CCND1: variants seen among roughly 807,000 people sequenced by gnomAD.
The protein encoded by CCND1 is G1/S-specific cyclin-D1.
Under a neutral mutation model 26.1 loss-of-function variants are expected in CCND1, and 9 were observed. That is an observed-to-expected ratio of 0.35 (90% CI 0.21 to 0.60). The LOEUF (loss-of-function observed/expected upper bound fraction) is 0.60. Among genes scored for constraint, CCND1 ranks in the 20% least tolerant of loss-of-function variants. CCND1 has a pLI of 0.79. For synonymous variants in CCND1, 194 were observed against 166.1 expected (o/e 1.17, Z -1.29); for missense variants, 335 against 392.9 (o/e 0.85, Z 1.25).
rs998406664 is a variant in CCND1 at position 69,651,325 on chromosome 11, C to G, written c.*43C>G. 1 of 1,412,248 alleles carries G rather than the reference C, an allele frequency of 7.1e-7. No homozygotes were observed. Among genetic ancestry groups the G allele is most frequent in the Non-Finnish European group, 9.3e-7 (1 of 1,078,372 alleles). 87.5% of individuals were successfully genotyped at this position (1,412,248 alleles called of 1,614,324 possible). A position where few individuals can be genotyped will look rare whatever the true frequency, so the allele number is the denominator to read the frequency against. On this transcript the variant is annotated 3_prime_UTR_variant, in exon 5 of 5. Transcript: ENST00000227507. ...GCGCCACCGCCACCCGCAGCGAGGGCGGAGCCGGCCCCAGGTGCTCCCCTG... is the reference window on the plus strand; with the variant it reads ...GCGCCACCGCCACCCGCAGCGAGGGGGGAGCCGGCCCCAGGTGCTCCCCTG...
chr11:69,645,768 C>T (rs1332799324), intron 3 of CCND1, among the ~76,000 whole-genome samples: 4 of 152,142 alleles, frequency 2.6e-5, no homozygotes, highest in South Asian at 2.1e-4. Flanking sequence ...TTGCCCTCCA[C>T]GTGGCAAAGG....
In CCND1 at chr11:69,653,160, GGAGGAGGTGT is replaced by G; in HGVS notation, c.*1886_*1895del. On this transcript the variant is annotated 3_prime_UTR_variant, in exon 5 of 5. Transcript: ENST00000227507. Reference sequence around the variant, plus strand: ...GCTGACGTGTGAGGGAGGACAGGCGGGAGGAGGTGTGAGGAGGAGGCTCCCGAGGGGAAGG... The same window carrying G: ...GCTGACGTGTGAGGGAGGACAGGCGGGAGGAGGAGGCTCCCGAGGGGAAGG... The G allele has an allele frequency of 1.6e-6, 1 of 623,160 alleles. No individual in the cohort carries two copies. The allele number at this position is 623,160 out of a possible 1,614,324, so 38.6% of individuals were successfully genotyped here. A position where few individuals can be genotyped will look rare whatever the true frequency, so the allele number is the denominator to read the frequency against.
At position 69,649,435 on chromosome 11, in the gene CCND1, AC is replaced by A. The variant is rs1468739800; in HGVS notation, c.723+1296del. 2.0e-5 allele frequency among the ~76,000 whole-genome samples: 3 copies of A among 152,128 alleles called. No individual in the cohort carries two copies. The East Asian group carries it at 5.8e-4, about 29-fold the overall frequency. On this transcript the variant is annotated intron_variant, in intron 4 of 4. Coordinates refer to ENST00000227507, the MANE Select transcript of CCND1 (RefSeq NM_053056.3). ...GCTGACAGACACACGGGGTGAAGTT[AC>A]CCGAGGCGGAGTCCACTCTGCCTGA...
chr11:69,646,197 G>A (rs761081677), intron 3 of CCND1, among the ~76,000 whole-genome samples: 15 of 152,180 alleles, frequency 9.9e-5, no homozygotes, highest in Admixed American at 2.6e-4. Context: ...TTCTGTGTGC[G>A]GTTCTGATTT....
At position 69,641,250 on chromosome 11, in the gene CCND1, G is replaced by A. The variant is rs1191242205; in HGVS notation, c.-64G>A. 6 of 1,489,134 alleles carry A rather than the reference G, an allele frequency of 4.0e-6. No homozygotes were observed. Among genetic ancestry groups the A allele is most frequent in the Non-Finnish European group, 3.7e-6 (4 of 1,080,086 alleles). 92.2% of individuals were successfully genotyped at this position (1,489,134 alleles called of 1,614,324 possible). ...AGGGAGCGCGGGGCAGCAGAAGCGA[G>A]AGCCGAGCGCGGACCCAGCCAGGAC... On this transcript the variant is annotated 5_prime_UTR_variant, in exon 1 of 5. Coordinates refer to ENST00000227507, the MANE Select transcript of CCND1 (RefSeq NM_053056.3).
At chr11:69,641,891 G>T (rs1855707871) in intron 1 of CCND1, among the ~76,000 whole-genome samples, 2 of 152,128 alleles carry the variant, frequency 1.3e-5, no homozygotes, top group South Asian at 4.1e-4. Context: ...ACTCCGGGGG[G>T]AGGGGGCATA....
chr11:69,653,189 G>A lies in CCND1; in HGVS notation c.*1907G>A. ...GAGGTGTGAGGAGGAGGCTCCCGAG[G>A]GGAAGGGGCGGTGCCCACACCGGGG... On this transcript the variant is annotated 3_prime_UTR_variant, in exon 5 of 5. Transcript: ENST00000227507. The A allele has an allele frequency of 1.5e-6, 1 of 668,526 alleles. No individual in the cohort carries two copies. The highest frequency in any genetic ancestry group is 2.8e-5 in the East Asian group (1 of 36,084). 41.4% of individuals were successfully genotyped at this position (668,526 alleles called of 1,614,324 possible). A position where few individuals can be genotyped will look rare whatever the true frequency, so the allele number is the denominator to read the frequency against.
At chr11:69,648,176 G>C (rs537247673) in intron 4 of CCND1, 34 bp downstream of exon 4, 1 of 1,610,604 alleles carries the variant, frequency 6.2e-7, no homozygotes, top group East Asian at 2.2e-5. Context: ...CAGCCTTGCC[G>C]GGGCTTACAG....
chr11:69,649,411 C>G (rs1405354378), intron 4 of CCND1, among the ~76,000 whole-genome samples: 2 of 152,174 alleles, frequency 1.3e-5, no homozygotes, highest in Non-Finnish European at 2.9e-5. Flanking sequence ...CGTCTCACAG[C>G]TGACAGACAC....
In CCND1 at chr11:69,652,989, C is replaced by G. The variant is rs568668101; in HGVS notation, c.*1707C>G. The G allele has an allele frequency of 7.5e-6, 3 of 399,148 alleles. No individual in the cohort carries two copies. The highest frequency in any genetic ancestry group is 1.3e-5 in the Non-Finnish European group (3 of 224,792). 24.7% of individuals were successfully genotyped at this position (399,148 alleles called of 1,614,324 possible). A position where few individuals can be genotyped will look rare whatever the true frequency, so the allele number is the denominator to read the frequency against. ...GTGCAAGGAAAATTAGGGTACTCAA[C>G]CTAAGTTCGGTTCCGATGAATTCTT... On this transcript the variant is annotated 3_prime_UTR_variant, in exon 5 of 5. Transcript: ENST00000227507.
intron 4 of CCND1, among the ~76,000 whole-genome samples, chr11:69,648,965 C>T (rs1161395415): frequency 2.0e-5 from 3 of 152,200 alleles, no homozygotes; most frequent in Non-Finnish European, 4.4e-5. Context: ...CCCGGGGACA[C>T]TGGGAGTAGC....
Position 69,654,208 on chromosome 11 carries a change from G to C in CCND1, c.*2926G>C, listed in dbSNP as rs1855897419. On this transcript the variant is annotated 3_prime_UTR_variant, in exon 5 of 5. Transcript: ENST00000227507. The surrounding 1 kb of genome is among the most constrained non-coding windows in gnomAD (Gnocchi z 6.3). ...GTCTGAACCACGCGGGGGCCTTGAG[G>C]GACGCTTTGTCTGTCGTGATGGGGC... The C allele has an allele frequency of 2.8e-6, 2 of 702,374 alleles. No homozygotes were observed. Among genetic ancestry groups the C allele is most frequent in the African/African-American group, 3.5e-5 (2 of 57,238 alleles). The allele number at this position is 702,374 out of a possible 1,614,324, so 43.5% of individuals were successfully genotyped here.
At position 69,653,204 on chromosome 11, in the gene CCND1, C is replaced by G; in HGVS notation, c.*1922C>G. ...GGCTCCCGAGGGGAAGGGGCGGTGC[C>G]CACACCGGGGACAGGCCGCAGCTCC... is the stretch of plus-strand genomic sequence containing the variant. On this transcript the variant is annotated 3_prime_UTR_variant, in exon 5 of 5. Coordinates refer to ENST00000227507, the MANE Select transcript of CCND1 (RefSeq NM_053056.3). The G allele has an allele frequency of 7.3e-6, 5 of 689,000 alleles. No homozygotes were observed. The highest frequency in any genetic ancestry group is 1.3e-5 in the Non-Finnish European group (5 of 378,636). 42.7% of individuals were successfully genotyped at this position (689,000 alleles called of 1,614,324 possible).
At chr11:69,644,260 G>A (rs1246027451) in intron 3 of CCND1, 1 of 502,900 alleles carries the variant, frequency 2.0e-6, no homozygotes, top group African/African-American at 1.9e-5. Context: ...CCGTTACTCT[G>A]GCCTCGTCCT....
intron 1 of CCND1, 85 bp from the exon 2 acceptor site, chr11:69,642,946 C>A: frequency 9.4e-7 from 1 of 1,061,262 alleles, no homozygotes; most frequent in Non-Finnish European, 1.3e-6. Flanking sequence ...CCTGGCGGCC[C>A]TGCCAAGCGC....
chr11:69,643,255 T>C lies in CCND1; in HGVS notation c.414+9T>C. 6.4e-7 allele frequency: 1 copy of C among 1,551,346 alleles called. No homozygotes were observed. Among genetic ancestry groups the C allele is most frequent in the Non-Finnish European group, 8.7e-7 (1 of 1,148,808 alleles). On this transcript the variant is annotated intron_variant, in intron 2 of 4. Transcript: ENST00000227507. ...GGCCCGAGGAGCTGCTGGTAACCAC[T>C]GGACCCCGCCGCCCCCCGCCCCCCG...
At chr11:69,647,670 G>A (rs1028540684) in intron 3 of CCND1, among the ~76,000 whole-genome samples, 1 of 152,238 alleles carries the variant, frequency 6.6e-6, no homozygotes, top group African/African-American at 2.4e-5. Context: ...CATTCACAAG[G>A]CTCAAGATGC....
At position 69,653,485 on chromosome 11, in the gene CCND1, C is replaced by G; in HGVS notation, c.*2203C>G. On this transcript the variant is annotated 3_prime_UTR_variant, in exon 5 of 5. Transcript: ENST00000227507. ...TTACTGCTCTATTCCAAAAAGGTTG[C>G]TGTTTCACAATACCTCATGCTTCAC... 1.7e-6 allele frequency: 1 copy of G among 571,532 alleles called. No homozygotes were observed. The highest frequency in any genetic ancestry group is 2.3e-5 in the South Asian group (1 of 44,394). 35.4% of individuals were successfully genotyped at this position (571,532 alleles called of 1,614,324 possible). A position where few individuals can be genotyped will look rare whatever the true frequency, so the allele number is the denominator to read the frequency against.
chr11:69,644,812 A>G (rs1855758407), intron 3 of CCND1, among the ~76,000 whole-genome samples: 2 of 152,070 alleles, frequency 1.3e-5, no homozygotes, highest in African/African-American at 4.8e-5. Context: ...GGTTACCTTC[A>G]TGGGGGAGCA....
Sources: gnomAD v4.1 joint callset for allele counts (sites outside exome capture counted in the v4.1 genomes callset) on GRCh38, gnomAD v4.1.1 for gene constraint, Gnocchi (gnomAD v3.1) non-coding constraint, MANE v1.5 for transcripts, NCBI Gene and HGNC (gene_info 2026-07-23, HGNC 2026-07-21) for gene names.